ADCY3: variants seen among roughly 807,000 people sequenced by gnomAD.
The protein encoded by ADCY3 is adenylate cyclase type 3.
ADCY3 carries 70 observed loss-of-function variants against 119.4 expected under a neutral mutation model. The observed-to-expected ratio is 0.59, with a 90% confidence interval of 0.48 to 0.72. ADCY3 has a LOEUF of 0.72. Among genes scored for constraint, ADCY3 ranks in the 30% least tolerant of loss-of-function variants. The pLI, the probability that ADCY3 is intolerant of heterozygous loss-of-function variation, is 0.00. For synonymous variants in ADCY3, 672 were observed against 621.4 expected (o/e 1.08, Z -1.21); for missense variants, 1,238 against 1,541.6 (o/e 0.80, Z 3.30).
intron 2 of ADCY3, among the ~76,000 whole-genome samples, chr2:24,892,419 A>AT (rs1417555565): frequency 6.6e-6 from 1 of 152,004 alleles, no homozygotes; most frequent in Non-Finnish European, 1.5e-5. Flanking sequence ...GGCCCGGCTA[A>AT]TTTTTTGTAT....
chr2:24,822,438 A>T, intron 19 of ADCY3, 73 bp downstream of exon 19: 5 of 1,583,634 alleles, frequency 3.2e-6, no homozygotes, highest in Non-Finnish European at 4.3e-6. Context: ...TATTTCCCCC[A>T]TGCTAGGTCT....
chr2:24,873,858 G>A (rs756407930), intron 2 of ADCY3, among the ~76,000 whole-genome samples: 8 of 152,222 alleles, frequency 5.3e-5, no homozygotes, highest in African/African-American at 7.2e-5. Context: ...GTGGTTTCTC[G>A]GAACCGAGTT....
intron 3 of ADCY3, among the ~76,000 whole-genome samples, chr2:24,847,389 A>G (rs893915072): frequency 2.0e-5 from 3 of 152,152 alleles, no homozygotes; most frequent in African/African-American, 4.8e-5. Context: ...AGCAGCATGA[A>G]TGTGGACTAA....
At position 24,842,759 on chromosome 2, in the gene ADCY3, C is replaced by T. The variant is rs543192281; in HGVS notation, c.826-375G>A. 5.9e-5 allele frequency among the ~76,000 whole-genome samples: 9 copies of T among 152,352 alleles called. No homozygotes were observed. The highest frequency in any genetic ancestry group is 1.9e-4 in the East Asian group (1 of 5,174). On this transcript the variant is annotated intron_variant, in intron 3 of 21. Transcript: ENST00000679454. This position sits in a 1 kb window ranked among gnomAD's most constrained non-coding sequence, Gnocchi z 4.9. The stretch of plus-strand genomic sequence containing the variant: ...GCGGGGTCACCTCAGCCACCCGCCA[C>T]GGCTGCACAGAGCCATCGCTCACAA...
In ADCY3 at chr2:24,918,395, C is replaced by T; in HGVS notation, c.593G>A (p.Cys198Tyr). ...SPIVIISVVS[C>Y]VVHTLVLGVT... is the part of the protein sequence containing the mutation. ...CCCCAGGACCAACGTGTGCACCACA[C>T]AGGAGACCACGGAGATGATCACGAT... is the stretch of plus-strand genomic sequence containing the variant. The change falls in exon 2 of 22, where the codon TGT (cysteine) becomes TAT (tyrosine). Residue 198 changes from cysteine (C) to tyrosine (Y), a missense_variant. Physicochemically the swap from Cys to Tyr is radical, Grantham distance 194. Around this residue, in one of 7 missense-constraint regions of ADCY3, gnomAD observed 283 missense variants for 437.2 expected, o/e 0.65. Coordinates refer to ENST00000679454, the MANE Select transcript of ADCY3 (RefSeq NM_004036.5). The surrounding 1 kb of genome is among the most constrained non-coding windows in gnomAD (Gnocchi z 5.4). 6.2e-7 allele frequency: 1 copy of T among 1,613,720 alleles called. No homozygotes were observed. The highest frequency in any genetic ancestry group is 8.5e-7 in the Non-Finnish European group (1 of 1,179,952).
At chr2:24,912,596 T>C (rs56127675) in intron 2 of ADCY3, among the ~76,000 whole-genome samples, 1 of 40,586 alleles carries the variant, frequency 2.5e-5, no homozygotes, top group Non-Finnish European at 4.5e-5. Context: ...CATGTGTGTG[T>C]GTGTGTGCAT....
At position 24,919,059 on chromosome 2, in the gene ADCY3, C is replaced by G; in HGVS notation, c.-72G>C. The G allele has an allele frequency of 7.0e-7, 1 of 1,421,396 alleles. No individual in the cohort carries two copies. The highest frequency in any genetic ancestry group is 9.3e-7 in the Non-Finnish European group (1 of 1,075,690). 88.0% of individuals were successfully genotyped at this position (1,421,396 alleles called of 1,614,324 possible). A position where few individuals can be genotyped will look rare whatever the true frequency, so the allele number is the denominator to read the frequency against. Reference sequence around the variant, plus strand: ...GAGGAAGAGCTCTGGACTGGGCCTCCTCTCAGGGCTCTCTGAGACCGGGGG... The same window carrying G: ...GAGGAAGAGCTCTGGACTGGGCCTCGTCTCAGGGCTCTCTGAGACCGGGGG... On this transcript the variant is annotated 5_prime_UTR_variant, in exon 2 of 22. Transcript: ENST00000679454. This position sits in a 1 kb window ranked among gnomAD's most constrained non-coding sequence, Gnocchi z 5.5.
At position 24,882,616 on chromosome 2, in the gene ADCY3, G is replaced by A. The variant is rs377314907; in HGVS notation, c.676-9897C>T. On this transcript the variant is annotated intron_variant, in intron 2 of 21. Coordinates refer to ENST00000679454, the MANE Select transcript of ADCY3 (RefSeq NM_004036.5). ...ATTCCAATTCTATTTAAAGAAGTCC[G>A]TTTTAAAGCCGAATCATGTTTGGTC... Among the ~76,000 whole-genome samples, 34 of 152,276 alleles carry A rather than the reference G, an allele frequency of 2.2e-4. No homozygotes were observed. In the South Asian group the frequency reaches 6.2e-3, roughly 28 times the overall value.
chr2:24,871,430 G>A (rs1016783417), intron 3 of ADCY3, among the ~76,000 whole-genome samples: 2 of 152,216 alleles, frequency 1.3e-5, no homozygotes, highest in Admixed American at 6.5e-5. Context: ...TGTAAGGAAT[G>A]AGATTGGTAA....
intron 13 of ADCY3, among the ~76,000 whole-genome samples, chr2:24,829,632 C>T (rs1366608717): frequency 2.7e-5 from 4 of 150,790 alleles, no homozygotes; most frequent in African/African-American, 7.4e-5. Flanking sequence ...CTGTGTTAGC[C>T]AGGATGATTT....
At chr2:24,870,130 G>T (rs955024877) in intron 3 of ADCY3, among the ~76,000 whole-genome samples, 1 of 150,436 alleles carries the variant, frequency 6.6e-6, no homozygotes, top group South Asian at 2.1e-4. Context: ...TGGCCAACAT[G>T]GTGAAACCCC....
intron 2 of ADCY3, among the ~76,000 whole-genome samples, chr2:24,916,053 C>T (rs1027377011): frequency 1.6e-4 from 24 of 152,354 alleles, no homozygotes; most frequent in African/African-American, 5.5e-4. Flanking sequence ...CTCTGCCCCT[C>T]CTGCTCTGTT....
intron 2 of ADCY3, among the ~76,000 whole-genome samples, chr2:24,912,219 T>G (rs1485895296): frequency 1.3e-5 from 2 of 151,724 alleles, no homozygotes; most frequent in African/African-American, 2.4e-5. Flanking sequence ...ATCCAGCACT[T>G]TAGGAGGCCG....
chr2:24,902,031 ACT>A (rs1491294935), intron 2 of ADCY3, among the ~76,000 whole-genome samples: 89 of 90,320 alleles, frequency 9.9e-4, no homozygotes, highest in Middle Eastern at 7.4e-3. Context: ...ACACATTTTA[ACT>A]CTGTGTGTGT....
intron 13 of ADCY3, among the ~76,000 whole-genome samples, 168 bp from the exon 14 acceptor site, chr2:24,828,329 T>C (rs952627167): frequency 6.6e-6 from 1 of 152,198 alleles, no homozygotes; most frequent in Admixed American, 6.5e-5. Context: ...TGAAAGTTAG[T>C]AACTGCAGCT....
rs549860034 is a variant in ADCY3 at position 24,821,280 on chromosome 2, T to C, written c.3127+237A>G. ...CACTTCTCAGCCAGGCAGGCCAAGCTTCTATTGTAACAGTAGGCACAGTAT... is the reference window on the plus strand; with the variant it reads ...CACTTCTCAGCCAGGCAGGCCAAGCCTCTATTGTAACAGTAGGCACAGTAT... On this transcript the variant is annotated intron_variant, in intron 20 of 21. Transcript: ENST00000679454. 3.6e-5 allele frequency: 19 copies of C among 534,516 alleles called. No homozygotes were observed. The South Asian group carries it at 4.9e-4, about 14-fold the overall frequency. 33.1% of individuals were successfully genotyped at this position (534,516 alleles called of 1,614,324 possible). A position where few individuals can be genotyped will look rare whatever the true frequency, so the allele number is the denominator to read the frequency against.
rs529042634 is a variant in ADCY3 at position 24,871,383 on chromosome 2, T to C, written c.825+1187A>G. ...TACTAAGCCTGGACCTTTGTCACAA[T>C]GGCAGCCAGGGAAAATCCCCTCCTA... is the stretch of plus-strand genomic sequence containing the variant. On this transcript the variant is annotated intron_variant, in intron 3 of 21. Coordinates refer to ENST00000679454, the MANE Select transcript of ADCY3 (RefSeq NM_004036.5). Among the ~76,000 whole-genome samples the C allele has an allele frequency of 2.0e-4, 30 of 152,300 alleles. 1 individual carries two copies. In the East Asian group the frequency reaches 5.8e-3, roughly 29 times the overall value.
At chr2:24,895,095 C>T (rs1236688295) in intron 2 of ADCY3, among the ~76,000 whole-genome samples, 1 of 151,508 alleles carries the variant, frequency 6.6e-6, no homozygotes, top group African/African-American at 2.4e-5. Context: ...CTTCATTTTT[C>T]TTTTTCTTTT....
At chr2:24,821,746 T>C (rs1337715147) in intron 19 of ADCY3, 106 bp from the exon 20 acceptor site, 4 of 1,477,174 alleles carry the variant, frequency 2.7e-6, no homozygotes, top group African/African-American at 1.4e-5. Flanking sequence ...TACACCTAGA[T>C]GTTCAAGGCC....
Sources: allele counts gnomAD v4.1 joint callset (sites outside exome capture counted in the v4.1 genomes callset), GRCh38; gene constraint gnomAD v4.1.1; regional missense constraint gnomAD v4.1.1; non-coding constraint Gnocchi (gnomAD v3.1); transcripts MANE v1.5; gene names NCBI Gene and HGNC (gene_info 2026-07-23, HGNC 2026-07-21).